NUCB2: variants seen among roughly 807,000 people sequenced by gnomAD.
The protein encoded by NUCB2 is nucleobindin 2.
NUCB2 carries 48 observed loss-of-function variants against 57.9 expected under a neutral mutation model. The observed-to-expected ratio is 0.83, with a 90% confidence interval of 0.66 to 1.05. The LOEUF (loss-of-function observed/expected upper bound fraction) is 1.05. Ranked by LOEUF, NUCB2 falls within the 50% of genes least tolerant of loss-of-function variation. NUCB2 has a pLI of 0.00. For missense variants in NUCB2, 442 were observed against 476.2 expected, an observed-to-expected ratio of 0.93 and a Z score of 0.67; for synonymous variants, 139 against 152.1, an observed-to-expected ratio of 0.91 and a Z score of 0.64.
In NUCB2 at chr11:17,330,221, A is replaced by G; in HGVS notation, c.1097A>G (p.Asp366Gly). Residue 366 changes from aspartate (D) to glycine (G), a missense_variant, in exon 12 of 14, where the codon GAT becomes GGT. Physicochemically the swap from Asp to Gly is moderately conservative, Grantham distance 94. Transcript: ENST00000529010. The surrounding 1 kb of genome is among the most constrained non-coding windows in gnomAD (Gnocchi z 4.3). ...LQENELKKKA[D>G]ELQKQKEELQ... ...GAAAATGAACTTAAGAAGAAGGCAG[A>G]TGAGCTTCAGAAACAAAAAGAAGAG... The G allele has an allele frequency of 6.2e-7, 1 of 1,611,538 alleles. No individual in the cohort carries two copies.
chr11:17,281,012 G>T (rs1942446013), intron 1 of NUCB2, among the ~76,000 whole-genome samples: 1 of 152,192 alleles, frequency 6.6e-6, no homozygotes, highest in Non-Finnish European at 1.5e-5. Context: ...ATGTACTCCA[G>T]CCTGGGTGGT....
chr11:17,278,125 C>T (rs1941718024), intron 1 of NUCB2, among the ~76,000 whole-genome samples: 1 of 148,800 alleles, frequency 6.7e-6, no homozygotes, highest in African/African-American at 2.5e-5. Context: ...TTATTTCTGT[C>T]TCCGTGTGTT....
intron 10 of NUCB2, among the ~76,000 whole-genome samples, chr11:17,314,178 A>C (rs1948912908): frequency 6.6e-6 from 1 of 152,094 alleles, no homozygotes; most frequent in Non-Finnish European, 1.5e-5. Flanking sequence ...TCTTTCAAAC[A>C]GATCCAGAAT....
chr11:17,284,846 A>T (rs1486945376), intron 2 of NUCB2, among the ~76,000 whole-genome samples: 1 of 152,170 alleles, frequency 6.6e-6, no homozygotes, highest in Non-Finnish European at 1.5e-5. Context: ...GCATTTTAAA[A>T]ATTGCAATTG....
In NUCB2 at chr11:17,288,946, CACACATAT is replaced by C. The variant is rs1193351304; in HGVS notation, c.-1+6005_-1+6012del. Among the ~76,000 whole-genome samples, 579 of 64,708 alleles carry C rather than the reference CACACATAT, an allele frequency of 8.9e-3. 54 individuals are homozygous for C. Among genetic ancestry groups the C allele is most frequent in the South Asian group, 0.012 (19 of 1,624 alleles). The allele number at this position is 64,708 out of a possible 152,430, so 42.5% of individuals were successfully genotyped here. Reference sequence around the variant, plus strand: ...ACACACACACACACACACACACACACACACATATATATATATATTTTTTTTTTTTGAGA... The same window carrying C: ...ACACACACACACACACACACACACACATATATATATTTTTTTTTTTTGAGA... On this transcript the variant is annotated intron_variant, in intron 2 of 13. Coordinates refer to ENST00000529010, the MANE Select transcript of NUCB2 (RefSeq NM_005013.4).
chr11:17,320,386 TGGGGCCAGTG>T (rs1195154994), intron 11 of NUCB2, among the ~76,000 whole-genome samples: 1 of 152,218 alleles, frequency 6.6e-6, no homozygotes, highest in Non-Finnish European at 1.5e-5. Flanking sequence ...TTGTTGTTGT[TGGGGCCAGTG>T]CAGTAGCTCA....
At chr11:17,294,963 G>C (rs1285543838) in intron 2 of NUCB2, among the ~76,000 whole-genome samples, 3 of 152,072 alleles carry the variant, frequency 2.0e-5, no homozygotes, top group Non-Finnish European at 4.4e-5. Flanking sequence ...CAGGAGAATC[G>C]CTTGAACCCA....
intron 5 of NUCB2, among the ~76,000 whole-genome samples, chr11:17,306,796 T>C (rs1019079870): frequency 1.3e-5 from 2 of 151,634 alleles, no homozygotes; most frequent in East Asian, 1.9e-4. Flanking sequence ...CATGTGCTGC[T>C]AGCTACTTGG....
chr11:17,282,068 T>C (rs1202777964), intron 1 of NUCB2, among the ~76,000 whole-genome samples: 1 of 151,658 alleles, frequency 6.6e-6, no homozygotes, highest in Non-Finnish European at 1.5e-5. Context: ...GTTAAGGATT[T>C]AACAGGAAAA....
chr11:17,340,304 G>A (rs1351086191), intron 2 of NUCB2, among the ~76,000 whole-genome samples: 1 of 152,198 alleles, frequency 6.6e-6, no homozygotes, highest in African/African-American at 2.4e-5. Flanking sequence ...TAGGTTGCCT[G>A]TTCACTCTGA....
intron 2 of NUCB2, among the ~76,000 whole-genome samples, chr11:17,345,510 C>T (rs971527976): frequency 6.6e-6 from 1 of 152,098 alleles, no homozygotes; most frequent in Non-Finnish European, 1.5e-5. Flanking sequence ...TGTTAAAGAC[C>T]AGCCTGGCCA....
chr11:17,289,984 A>G (rs1445263111), intron 2 of NUCB2, among the ~76,000 whole-genome samples: 2 of 151,984 alleles, frequency 1.3e-5, no homozygotes, highest in Non-Finnish European at 2.9e-5. Flanking sequence ...GAGTTTTTTT[A>G]TTTATTGGAG....
chr11:17,347,604 C>T (rs1016397538), intron 2 of NUCB2, among the ~76,000 whole-genome samples: 5 of 152,166 alleles, frequency 3.3e-5, no homozygotes, highest in African/African-American at 1.2e-4. Flanking sequence ...TGTTACAATA[C>T]TATTAATCTA....
intron 11 of NUCB2, among the ~76,000 whole-genome samples, chr11:17,326,314 T>G (rs1313389373): frequency 3.5e-5 from 5 of 141,284 alleles, no homozygotes; most frequent in Non-Finnish European, 7.7e-5. Context: ...TGTTACCGTT[T>G]TTTTTTTTTT....
intron 2 of NUCB2, among the ~76,000 whole-genome samples, chr11:17,287,767 A>C (rs1944032556): frequency 6.6e-6 from 1 of 152,156 alleles, no homozygotes; most frequent in Admixed American, 6.5e-5. Flanking sequence ...TGGGAGGCCA[A>C]GTTGCATGGA....
At chr11:17,296,582 G>A (rs139358345) in intron 4 of NUCB2, among the ~76,000 whole-genome samples, 2 of 152,220 alleles carry the variant, frequency 1.3e-5, no homozygotes, top group East Asian at 1.9e-4. Context: ...GCAGTGGGGC[G>A]AGGTGGGAAG....
chr11:17,309,762 A>T, intron 6 of NUCB2, 87 bp downstream of exon 6: 2 of 783,042 alleles, frequency 2.6e-6, no homozygotes, highest in South Asian at 3.7e-5. Flanking sequence ...TGGAAATATA[A>T]CTTTTATATA....
intron 2 of NUCB2, among the ~76,000 whole-genome samples, chr11:17,338,778 C>T (rs1003613663): frequency 7.2e-5 from 11 of 152,008 alleles, no homozygotes; most frequent in African/African-American, 2.2e-4. Context: ...ATTCTCCTGC[C>T]TCAGTCTCCC....
intron 11 of NUCB2, among the ~76,000 whole-genome samples, chr11:17,316,677 C>T (rs1199254344): frequency 6.6e-6 from 1 of 152,132 alleles, no homozygotes; most frequent in Non-Finnish European, 1.5e-5. Context: ...GTAACACAGT[C>T]AACTGTGTAT....
Sources: gnomAD v4.1 joint callset for allele counts (sites outside exome capture counted in the v4.1 genomes callset) on GRCh38, gnomAD v4.1.1 for gene constraint, Gnocchi (gnomAD v3.1) non-coding constraint, MANE v1.5 for transcripts, NCBI Gene and HGNC (gene_info 2026-07-23, HGNC 2026-07-21) for gene names.